The following BCAS3 variants were observed in gnomAD, a reference collection of about 807,000 sequenced individuals.
BCAS3 encodes BCAS3 microtubule associated cell migration factor, also known as BCAS4/BCAS3 fusion.
BCAS3 carries 53 observed loss-of-function variants against 116.1 expected under a neutral mutation model. The observed-to-expected ratio is 0.46, with a 90% CI of 0.37 to 0.57. The LOEUF is 0.57. Ranked by LOEUF, BCAS3 falls within the 20% of genes least tolerant of loss-of-function variation. The pLI, the probability that BCAS3 is intolerant of heterozygous loss-of-function variation, is 0.00. For synonymous variants in BCAS3, 391 were observed against 408.2 expected, an observed-to-expected ratio of 0.96 and a Z score of 0.51; for missense variants, 917 against 1,165.4, an observed-to-expected ratio of 0.79 and a Z score of 3.10.
rs2058739864 is a variant in BCAS3 at position 61,366,460 on chromosome 17, G to A, written c.2426-1867G>A. ...GCTTAGTGGATGTCAGCAGTCCTGT[G>A]TGTCCCTGGGGAGCTAGGCACCTGG... On this transcript the variant is annotated intron_variant, in intron 22 of 23. Coordinates refer to ENST00000407086, the MANE Select transcript of BCAS3 (RefSeq NM_017679.5). This position sits in a 1 kb window ranked among gnomAD's most constrained non-coding sequence, Gnocchi z 4.5. Among the ~76,000 whole-genome samples, 2 of 152,238 alleles carry A rather than the reference G, an allele frequency of 1.3e-5. No individual in the cohort carries two copies. Among genetic ancestry groups the A allele is most frequent in the Non-Finnish European group, 2.9e-5 (2 of 68,036 alleles).
chr17:61,224,338 TCAG>T lies in BCAS3; in HGVS notation c.2425+139775_2425+139777del, dbSNP rs2082267165. ...TGGCAACATTCAAAGGAAAGGGAAA[TCAG>T]TTTCCTCTTGAAGTTCAGGAGAGAT... On this transcript the variant is annotated intron_variant, in intron 22 of 23. Coordinates refer to ENST00000407086, the MANE Select transcript of BCAS3 (RefSeq NM_017679.5). This position sits in a 1 kb window ranked among gnomAD's most constrained non-coding sequence, Gnocchi z 5.7. 6.6e-6 allele frequency among the ~76,000 whole-genome samples: 1 copy of T among 152,134 alleles called. No homozygotes were observed. Among genetic ancestry groups the T allele is most frequent in the African/African-American group, 2.4e-5 (1 of 41,432 alleles).
chr17:60,796,429 G>A (rs888180622), intron 6 of BCAS3, among the ~76,000 whole-genome samples: 1 of 152,034 alleles, frequency 6.6e-6, no homozygotes, highest in Admixed American at 6.6e-5. Context: ...TGTTGAGGGT[G>A]TCTAATTCTT....
rs556419845 is a variant in BCAS3 at position 61,189,776 on chromosome 17, C to T, written c.2425+105212C>T. ...AGTGGAAGAGAGAATGTAAGAGAAG[C>T]GGTTTAAAGAGGAGCTCAATCCTTT... On this transcript the variant is annotated intron_variant, in intron 22 of 23. Transcript: ENST00000407086. The surrounding 1 kb of genome is among the most constrained non-coding windows in gnomAD (Gnocchi z 4.5). Among the ~76,000 whole-genome samples the T allele has an allele frequency of 1.3e-4, 20 of 152,186 alleles. No individual in the cohort carries two copies. The South Asian group carries it at 2.7e-3, about 21-fold the overall frequency.
At chr17:61,369,977 G>A (rs2058963079) in intron 23 of BCAS3, among the ~76,000 whole-genome samples, 1 of 152,218 alleles carries the variant, frequency 6.6e-6, no homozygotes, top group Non-Finnish European at 1.5e-5. Flanking sequence ...GCCTGGAGGA[G>A]CTCCCGGGTG....
rs899550266 is a variant in BCAS3, at chr17:61,323,432, C to T, written c.2426-44895C>T. ...CTCAGCTTTGACCCTCCCTGGTAAG[C>T]TGTATAATCACAGGAGTGGCCCTGA... On this transcript the variant is annotated intron_variant, in intron 22 of 23. Transcript: ENST00000407086. The surrounding 1 kb of genome is among the most constrained non-coding windows in gnomAD (Gnocchi z 4.6). Among the ~76,000 whole-genome samples the T allele has an allele frequency of 2.0e-5, 3 of 152,196 alleles. No individual in the cohort carries two copies. The highest frequency in any genetic ancestry group is 4.4e-5 in the Non-Finnish European group (3 of 68,046).
chr17:61,170,047 G>A (rs1033929849), intron 22 of BCAS3, among the ~76,000 whole-genome samples: 2 of 151,806 alleles, frequency 1.3e-5, no homozygotes, highest in Admixed American at 1.3e-4. Context: ...TAGAGACGGG[G>A]TTTCACCACG....
At chr17:61,049,214 T>C (rs2068617774) in intron 19 of BCAS3, among the ~76,000 whole-genome samples, 1 of 151,818 alleles carries the variant, frequency 6.6e-6, no homozygotes, top group African/African-American at 2.4e-5. Context: ...GGTGGGAACA[T>C]TGCTTGAGGC....
rs1176283631 is a variant in BCAS3, at chr17:61,239,573, C to T, written c.2426-128754C>T. Among the ~76,000 whole-genome samples the T allele has an allele frequency of 6.6e-6, 1 of 152,136 alleles. No individual in the cohort carries two copies. The highest frequency in any genetic ancestry group is 1.5e-5 in the Non-Finnish European group (1 of 68,036). ...CTCCAAGATTAATATAAAAAGAGAA[C>T]TTCATTTACTCTGAGTGATCATGTT... On this transcript the variant is annotated intron_variant, in intron 22 of 23. Transcript: ENST00000407086. This position sits in a 1 kb window ranked among gnomAD's most constrained non-coding sequence, Gnocchi z 4.2.
chr17:61,206,758 G>A (rs111292503), intron 22 of BCAS3, among the ~76,000 whole-genome samples: 5 of 127,840 alleles, frequency 3.9e-5, no homozygotes, highest in East Asian at 2.5e-4. Flanking sequence ...CCAAGATCTC[G>A]CCATTGCACT....
At chr17:60,842,317 G>A (rs2052019234) in intron 7 of BCAS3, among the ~76,000 whole-genome samples, 1 of 151,294 alleles carries the variant, frequency 6.6e-6, no homozygotes, top group Non-Finnish European at 1.5e-5. Flanking sequence ...ATGTTTTTTT[G>A]GTAGTGGACA....
intron 22 of BCAS3, among the ~76,000 whole-genome samples, chr17:61,121,417 C>T (rs907252911): frequency 6.6e-6 from 1 of 152,080 alleles, no homozygotes; most frequent in African/African-American, 2.4e-5. Flanking sequence ...TACCTGTTAA[C>T]ATTTCTAGGT....
intron 19 of BCAS3, chr17:61,070,131 G>T (rs2071203819): frequency 1.3e-6 from 2 of 1,568,618 alleles, no homozygotes; most frequent in Non-Finnish European, 1.7e-6. Flanking sequence ...AGTCTGCCAT[G>T]AAGAAGACAG....
chr17:61,079,803 C>G (rs769663779), intron 21 of BCAS3, among the ~76,000 whole-genome samples: 1 of 151,472 alleles, frequency 6.6e-6, no homozygotes, highest in Middle Eastern at 3.5e-3. Context: ...AACATTTTGG[C>G]CAGGCTGGTC....
chr17:60,780,140 G>A (rs796818055), intron 6 of BCAS3, among the ~76,000 whole-genome samples: 31 of 151,780 alleles, frequency 2.0e-4, no homozygotes, highest in African/African-American at 7.5e-4. Context: ...ACAGGCACGT[G>A]CCACCACACC....
At chr17:60,857,380 C>T (rs952793737) in intron 7 of BCAS3, among the ~76,000 whole-genome samples, 19 of 152,200 alleles carry the variant, frequency 1.2e-4, no homozygotes, top group African/African-American at 3.1e-4. Flanking sequence ...TTAGGTTTAC[C>T]TTTAAGGTCA....
At chr17:61,257,301 G>A (rs922814898) in intron 22 of BCAS3, among the ~76,000 whole-genome samples, 1 of 151,622 alleles carries the variant, frequency 6.6e-6, no homozygotes, top group South Asian at 2.1e-4. Context: ...CACGCCTGTA[G>A]TCCCAGCTAC....
rs2072149676 is a variant in BCAS3 at position 61,077,617 on chromosome 17, T to C, written c.2131-716T>C. Among the ~76,000 whole-genome samples, 1 of 152,212 alleles carries C rather than the reference T, an allele frequency of 6.6e-6. No individual in the cohort carries two copies. Among genetic ancestry groups the C allele is most frequent in the African/African-American group, 2.4e-5 (1 of 41,464 alleles). ...CATAAAGCATTTTGGTATTACTGTT[T>C]TGTAGCACATCAAATGCCTGTGTCG... On this transcript the variant is annotated intron_variant, in intron 20 of 23. Coordinates refer to ENST00000407086, the MANE Select transcript of BCAS3 (RefSeq NM_017679.5). The surrounding 1 kb of genome is among the most constrained non-coding windows in gnomAD (Gnocchi z 4.3).
chr17:61,146,991 T>C (rs2077255423), intron 22 of BCAS3, among the ~76,000 whole-genome samples: 1 of 152,108 alleles, frequency 6.6e-6, no homozygotes, highest in Admixed American at 6.5e-5. Context: ...CATGGCTTAC[T>C]GCAGCCTCGA....
rs186381508 is a variant in BCAS3, at chr17:61,371,956, C to T, written c.2593+3462C>T. On this transcript the variant is annotated intron_variant, in intron 23 of 23. Transcript: ENST00000407086. ...CCGACCAAATAGTTGAATTCAATCA[C>T]CTATGTGATTTGCAAGTCCAGTTCT... Among the ~76,000 whole-genome samples, 123 of 152,340 alleles carry T rather than the reference C, an allele frequency of 8.1e-4. 1 individual carries two copies. The highest frequency in any genetic ancestry group is 1.5e-3 in the Non-Finnish European group (104 of 68,038).
Sources: gnomAD v4.1 joint callset for allele counts (sites outside exome capture counted in the v4.1 genomes callset) on GRCh38, gnomAD v4.1.1 for gene constraint, Gnocchi (gnomAD v3.1) non-coding constraint, MANE v1.5 for transcripts, NCBI Gene and HGNC (gene_info 2026-07-23, HGNC 2026-07-21) for gene names.